HCN1: variants seen among roughly 807,000 people sequenced by gnomAD.
HCN1 encodes the protein hyperpolarization activated cyclic nucleotide gated potassium channel 1.
Under a neutral mutation model 78.9 loss-of-function variants are expected in HCN1, and 13 were observed. That is an observed-to-expected ratio of 0.16 (90% CI 0.11 to 0.26). The LOEUF (loss-of-function observed/expected upper bound fraction) is 0.26, where lower values mean the gene tolerates loss of function less well. Ranked by LOEUF, HCN1 falls within the 10% of genes least tolerant of loss-of-function variation. The pLI is 1.00. For synonymous variants in HCN1, 552 were observed against 455.5 expected (o/e 1.21, Z -2.70); for missense variants, 810 against 1,154.3 (o/e 0.70, Z 4.32).
At chr5:45,569,105 C>G (rs1743774975) in intron 2 of HCN1, among the ~76,000 whole-genome samples, 1 of 152,118 alleles carries the variant, frequency 6.6e-6, no homozygotes, top group South Asian at 2.1e-4. Flanking sequence ...ATAATCTGAA[C>G]AGACAGACCT....
At chr5:45,411,795 TG>T (rs746821913) in intron 3 of HCN1, among the ~76,000 whole-genome samples, 12 of 152,088 alleles carry the variant, frequency 7.9e-5, no homozygotes, top group Non-Finnish European at 1.8e-4. Context: ...AACTCTTATT[TG>T]CTTCAAATCC....
At position 45,430,314 on chromosome 5, in the gene HCN1, A is replaced by G. The variant is rs371392545; in HGVS notation, c.1011+31532T>C. Among the ~76,000 whole-genome samples, 12 of 152,216 alleles carry G rather than the reference A, an allele frequency of 7.9e-5. 1 individual carries two copies. The highest frequency in any genetic ancestry group is 2.6e-4 in the African/African-American group (11 of 41,542). ...AACTTTTATTTTATGGTTCAGGGGT[A>G]CATGTGTAGGTTTGTTATATAGGTA... is the stretch of plus-strand genomic sequence containing the variant. On this transcript the variant is annotated intron_variant, in intron 3 of 7. Transcript: ENST00000303230.
chr5:45,507,618 T>C (rs1176613412), intron 2 of HCN1, among the ~76,000 whole-genome samples: 3 of 152,134 alleles, frequency 2.0e-5, no homozygotes, highest in Non-Finnish European at 4.4e-5. Flanking sequence ...ATGAGAAACA[T>C]TGAAGCCTGC....
chr5:45,375,740 T>TTATATATAATATATTTTATGATA (rs1747620552), intron 4 of HCN1, among the ~76,000 whole-genome samples: 2 of 117,620 alleles, frequency 1.7e-5, no homozygotes, highest in African/African-American at 6.8e-5. Context: ...TTATGATATA[T>TTATATATAATATATTTTATGATA]CTTATATATA....
At chr5:45,496,495 T>C (rs1742034941) in intron 2 of HCN1, among the ~76,000 whole-genome samples, 1 of 152,214 alleles carries the variant, frequency 6.6e-6, no homozygotes, top group Non-Finnish European at 1.5e-5. Context: ...ATCCATCTGG[T>C]CCTGGACTCT....
chr5:45,571,374 G>A (rs1385833510), intron 2 of HCN1, among the ~76,000 whole-genome samples: 1 of 152,104 alleles, frequency 6.6e-6, no homozygotes, highest in African/African-American at 2.4e-5. Flanking sequence ...CAGAGAACAC[G>A]CTGTTTTTCT....
At chr5:45,496,742 G>C (rs1441011424) in intron 2 of HCN1, among the ~76,000 whole-genome samples, 1 of 152,072 alleles carries the variant, frequency 6.6e-6, no homozygotes, top group Non-Finnish European at 1.5e-5. Flanking sequence ...CTTGCCTTCT[G>C]CTAGCTTTTG....
At chr5:45,482,224 A>G (rs939792887) in intron 2 of HCN1, among the ~76,000 whole-genome samples, 15 of 152,296 alleles carry the variant, frequency 9.8e-5, no homozygotes, top group African/African-American at 2.6e-4. Flanking sequence ...GTGTGCTTCA[A>G]TGTCAGGAAT....
chr5:45,368,256 T>C (rs577317358), intron 4 of HCN1, among the ~76,000 whole-genome samples: 33 of 152,136 alleles, frequency 2.2e-4, no homozygotes, highest in African/African-American at 7.7e-4. Flanking sequence ...TTTCTTCTAT[T>C]TTCGCCATGC....
At chr5:45,403,672 G>A (rs1739867255) in intron 3 of HCN1, among the ~76,000 whole-genome samples, 1 of 152,146 alleles carries the variant, frequency 6.6e-6, no homozygotes. Context: ...AATTCAAGAT[G>A]AGATTTTGGT....
intron 3 of HCN1, among the ~76,000 whole-genome samples, chr5:45,441,538 C>G (rs1430626928): frequency 2.6e-5 from 4 of 152,172 alleles, no homozygotes; most frequent in Non-Finnish European, 4.4e-5. Context: ...CTTGCACATG[C>G]AATACTCTAC....
chr5:45,352,933 T>C (rs941931603), intron 5 of HCN1, among the ~76,000 whole-genome samples, 167 bp downstream of exon 5: 4 of 152,060 alleles, frequency 2.6e-5, no homozygotes, highest in African/African-American at 9.7e-5. Context: ...CAATACTTTT[T>C]TCAACATTTA....
At chr5:45,419,260 T>C (rs1740179667) in intron 3 of HCN1, among the ~76,000 whole-genome samples, 1 of 152,124 alleles carries the variant, frequency 6.6e-6, no homozygotes. Context: ...AAGTAACTGC[T>C]TACCCAGTAC....
At chr5:45,547,462 A>G (rs1743252762) in intron 2 of HCN1, among the ~76,000 whole-genome samples, 1 of 151,922 alleles carries the variant, frequency 6.6e-6, no homozygotes, top group Admixed American at 6.6e-5. Flanking sequence ...TGCGTTTAAT[A>G]CTAGCGGAGA....
At chr5:45,318,704 G>C (rs1044637999) in intron 5 of HCN1, among the ~76,000 whole-genome samples, 1 of 151,816 alleles carries the variant, frequency 6.6e-6, no homozygotes, top group Non-Finnish European at 1.5e-5. Context: ...CACAGTGTAG[G>C]GAGTTTCTTT....
intron 3 of HCN1, among the ~76,000 whole-genome samples, chr5:45,449,457 T>C (rs1740866384): frequency 6.6e-6 from 1 of 152,232 alleles, no homozygotes; most frequent in Non-Finnish European, 1.5e-5. Flanking sequence ...TACTGTCAAC[T>C]AGGCATGCCA....
At chr5:45,336,824 A>G (rs1746466785) in intron 5 of HCN1, among the ~76,000 whole-genome samples, 1 of 151,986 alleles carries the variant, frequency 6.6e-6, no homozygotes, top group African/African-American at 2.4e-5. Flanking sequence ...TTCTCCTCAT[A>G]TGGCAGAAGG....
chr5:45,637,755 C>A (rs902839748), intron 2 of HCN1, among the ~76,000 whole-genome samples: 7 of 152,004 alleles, frequency 4.6e-5, no homozygotes, highest in Non-Finnish European at 1.0e-4. Flanking sequence ...TGGTATTTGG[C>A]AAACTAAAGA....
At chr5:45,612,255 CTTTGAT>C (rs768177755) in intron 2 of HCN1, among the ~76,000 whole-genome samples, 2 of 152,108 alleles carry the variant, frequency 1.3e-5, no homozygotes, top group Admixed American at 6.6e-5. Flanking sequence ...AGAAAATCAT[CTTTGAT>C]TTTAAGTGTC....
Sources: allele counts gnomAD v4.1 joint callset (sites outside exome capture counted in the v4.1 genomes callset), GRCh38; gene constraint gnomAD v4.1.1; transcripts MANE v1.5; gene names NCBI Gene and HGNC (gene_info 2026-07-23, HGNC 2026-07-21).